The following WWOX variants were observed in gnomAD, a reference collection of about 807,000 sequenced individuals.
WWOX encodes the protein WW domain containing oxidoreductase, also known as WW domain-containing oxidoreductase.
WWOX carries 69 observed loss-of-function variants against 46.2 expected under a neutral mutation model. The observed-to-expected ratio is 1.49, with a 90% CI of 1.23 to 1.82. The LOEUF (loss-of-function observed/expected upper bound fraction) is 1.82. Among genes scored for constraint, WWOX ranks in the 40% most tolerant of loss-of-function variants. The pLI is 0.00. For synonymous variants in WWOX, 359 were observed against 202.6 expected (o/e 1.77, Z -6.56); for missense variants, 919 against 542.6 (o/e 1.69, Z -6.89).
At chr16:78,782,614 A>C (rs952349876) in intron 8 of WWOX, among the ~76,000 whole-genome samples, 3 of 151,642 alleles carry the variant, frequency 2.0e-5, no homozygotes, top group Admixed American at 2.0e-4. Context: ...TCCCAAATGC[A>C]GGCTCCATTA....
chr16:79,179,658 C>T (rs562112810), intron 8 of WWOX, among the ~76,000 whole-genome samples: 38 of 152,342 alleles, frequency 2.5e-4, no homozygotes, highest in Non-Finnish European at 4.7e-4. Context: ...ATTTGAGCCA[C>T]TGGAAATCTA....
At chr16:78,808,651 A>G (rs2051105273) in intron 8 of WWOX, among the ~76,000 whole-genome samples, 1 of 152,202 alleles carries the variant, frequency 6.6e-6, no homozygotes, top group Non-Finnish European at 1.5e-5. Flanking sequence ...ACATGCCATC[A>G]TCTTTAATTT....
intron 4 of WWOX, among the ~76,000 whole-genome samples, chr16:78,142,660 C>A (rs1038021941): frequency 6.6e-6 from 1 of 152,112 alleles, no homozygotes; most frequent in African/African-American, 2.4e-5. Flanking sequence ...CCTTGATATA[C>A]AATATTGTGC....
intron 8 of WWOX, among the ~76,000 whole-genome samples, chr16:78,756,191 A>T (rs74029965): frequency 0.02 from 3,078 of 152,198 alleles, 103 homozygotes; most frequent in African/African-American, 0.07. Flanking sequence ...GCTAATAGGG[A>T]TCTTTGACAC....
intron 5 of WWOX, among the ~76,000 whole-genome samples, chr16:78,317,380 G>T (rs1327696197): frequency 4.6e-5 from 7 of 152,122 alleles, no homozygotes; most frequent in Admixed American, 2.0e-4. Flanking sequence ...CAGTGTGATG[G>T]AGACTGGATA....
chr16:78,688,574 G>A (rs1271083484), intron 8 of WWOX, among the ~76,000 whole-genome samples: 4 of 152,100 alleles, frequency 2.6e-5, no homozygotes, highest in Non-Finnish European at 5.9e-5. Flanking sequence ...CCTCCATCCT[G>A]CAGGAGTTTT....
At chr16:78,882,092 T>TTCCA (rs2044354568) in intron 8 of WWOX, among the ~76,000 whole-genome samples, 2 of 152,150 alleles carry the variant, frequency 1.3e-5, no homozygotes, top group Admixed American at 1.3e-4. Context: ...CACCACTACA[T>TTCCA]TCCAGCCTGG....
intron 8 of WWOX, among the ~76,000 whole-genome samples, chr16:79,021,551 C>G (rs912937013): frequency 6.6e-6 from 1 of 152,070 alleles, no homozygotes. Flanking sequence ...CATGGTCGGT[C>G]CATTAACTAC....
intron 8 of WWOX, among the ~76,000 whole-genome samples, chr16:78,621,298 T>G (rs1028295957): frequency 4.6e-5 from 7 of 152,122 alleles, no homozygotes; most frequent in South Asian, 2.1e-4. Flanking sequence ...CTCACAGATC[T>G]ATCTTTTCAT....
At chr16:78,644,500 T>C (rs769229275) in intron 8 of WWOX, among the ~76,000 whole-genome samples, 3 of 152,126 alleles carry the variant, frequency 2.0e-5, no homozygotes. Flanking sequence ...TTGCTCTTAT[T>C]GCTCAGGCTG....
At chr16:79,180,345 G>C (rs950869945) in intron 8 of WWOX, among the ~76,000 whole-genome samples, 1 of 152,188 alleles carries the variant, frequency 6.6e-6, no homozygotes, top group Non-Finnish European at 1.5e-5. Flanking sequence ...GTACTGAATG[G>C]ATCAATAGTG....
At chr16:78,353,807 C>T (rs141258652) in intron 5 of WWOX, among the ~76,000 whole-genome samples, 172 of 152,306 alleles carry the variant, frequency 1.1e-3, no homozygotes, top group African/African-American at 3.6e-3. Flanking sequence ...CAGCAGTTAG[C>T]GTCAAGTTGC....
At chr16:79,140,798 G>A (rs1001814593) in intron 8 of WWOX, among the ~76,000 whole-genome samples, 1 of 152,078 alleles carries the variant, frequency 6.6e-6, no homozygotes, top group Admixed American at 6.5e-5. Flanking sequence ...TCAAGCTGAC[G>A]TTTATACTTC....
intron 8 of WWOX, among the ~76,000 whole-genome samples, chr16:78,956,856 G>A (rs1320318635): frequency 6.6e-6 from 1 of 152,164 alleles, no homozygotes; most frequent in Non-Finnish European, 1.5e-5. Context: ...GTGAAGGAGA[G>A]TGTCTCAAAC....
chr16:79,089,488 C>T (rs527698621), intron 8 of WWOX, among the ~76,000 whole-genome samples: 9 of 152,106 alleles, frequency 5.9e-5, no homozygotes, highest in South Asian at 2.1e-4. Context: ...CACGCCACCA[C>T]GCCTGGCTAA....
At chr16:78,673,647 T>G (rs1325820359) in intron 8 of WWOX, among the ~76,000 whole-genome samples, 1 of 152,172 alleles carries the variant, frequency 6.6e-6, no homozygotes, top group African/African-American at 2.4e-5. Flanking sequence ...AATTAGATCA[T>G]AAATTTGGAG....
chr16:78,628,294 C>G (rs746218744), intron 8 of WWOX, among the ~76,000 whole-genome samples: 6 of 152,116 alleles, frequency 3.9e-5, no homozygotes, highest in African/African-American at 1.4e-4. Flanking sequence ...TGAAGTTTCC[C>G]TTTCTTTTCA....
At chr16:79,111,824 T>G (rs946789147) in intron 8 of WWOX, among the ~76,000 whole-genome samples, 4 of 152,184 alleles carry the variant, frequency 2.6e-5, no homozygotes, top group Admixed American at 2.0e-4. Context: ...CCCAGATGTG[T>G]GTCCACTGGG....
chr16:79,105,686 A>T (rs1199140347), intron 8 of WWOX, among the ~76,000 whole-genome samples: 1 of 149,936 alleles, frequency 6.7e-6, no homozygotes, highest in South Asian at 2.1e-4. Context: ...TTTGCGAGAC[A>T]GGGTCTCACT....
Sources: allele counts gnomAD v4.1 joint callset (sites outside exome capture counted in the v4.1 genomes callset), GRCh38; gene constraint gnomAD v4.1.1; transcripts MANE v1.5; gene names NCBI Gene and HGNC (gene_info 2026-07-23, HGNC 2026-07-21).